NIPAL2: variants seen among roughly 807,000 people sequenced by gnomAD.
The protein encoded by NIPAL2 is NIPA-like protein 2.
A neutral mutation model predicts 48.9 loss-of-function variants in NIPAL2; 43 were observed. That is an observed-to-expected ratio of 0.88 (90% CI 0.69 to 1.13). The LOEUF (loss-of-function observed/expected upper bound fraction) is 1.13. Among genes scored for constraint, NIPAL2 ranks in the 50% most tolerant of loss-of-function variants. The pLI is 0.00. For missense variants in NIPAL2, 446 were observed against 461.4 expected, an observed-to-expected ratio of 0.97 and a Z score of 0.31; for synonymous variants, 167 against 174.6, an observed-to-expected ratio of 0.96 and a Z score of 0.34.
At position 98,191,730 on chromosome 8, in the gene NIPAL2, T is replaced by A. The variant is rs911790423; in HGVS notation, c.*1248A>T. On this transcript the variant is annotated 3_prime_UTR_variant, in exon 11 of 11. Coordinates refer to ENST00000430223, the MANE Select transcript of NIPAL2 (RefSeq NM_001321635.2). ...GCTACTTCTTTTCTTCTCCTTTAAATATTAGGTAGATCATAAATAACAGAT... is the reference window on the plus strand; with the variant it reads ...GCTACTTCTTTTCTTCTCCTTTAAAAATTAGGTAGATCATAAATAACAGAT... The A allele has an allele frequency of 3.3e-5, 5 of 152,230 alleles. No homozygotes were observed. Among genetic ancestry groups the A allele is most frequent in the Non-Finnish European group, 5.9e-5 (4 of 68,048 alleles). 9.4% of individuals were successfully genotyped at this position (152,230 alleles called of 1,614,324 possible).
Position 98,191,481 on chromosome 8 carries a change from G to T in NIPAL2, c.*1497C>A, listed in dbSNP as rs940378053. The T allele has an allele frequency of 2.0e-5, 3 of 151,902 alleles. No individual in the cohort carries two copies. Among genetic ancestry groups the T allele is most frequent in the African/African-American group, 4.8e-5 (2 of 41,334 alleles). The allele number at this position is 151,902 out of a possible 1,614,324, so 9.4% of individuals were successfully genotyped here. On this transcript the variant is annotated 3_prime_UTR_variant, in exon 11 of 11. Transcript: ENST00000430223. ...TCAATTCAAATCTCTTTCCTTTGCAGCCAGGTTTGGTCAGTCTGGCCAGGA... is the reference window on the plus strand; with the variant it reads ...TCAATTCAAATCTCTTTCCTTTGCATCCAGGTTTGGTCAGTCTGGCCAGGA...
At chr8:98,249,505 T>C (rs1163004066) in intron 3 of NIPAL2, among the ~76,000 whole-genome samples, 2 of 151,296 alleles carry the variant, frequency 1.3e-5, no homozygotes, top group East Asian at 3.9e-4. Context: ...ATACATGTCA[T>C]ATATGTCATA....
chr8:98,201,168 A>G (rs1483466442), intron 8 of NIPAL2, among the ~76,000 whole-genome samples: 1 of 152,198 alleles, frequency 6.6e-6, no homozygotes, highest in Non-Finnish European at 1.5e-5. Flanking sequence ...TAGGCAAAAT[A>G]CGGTCTCATC....
intron 1 of NIPAL2, among the ~76,000 whole-genome samples, chr8:98,266,447 A>G (rs1814748668): frequency 6.6e-6 from 1 of 151,606 alleles, no homozygotes; most frequent in South Asian, 2.1e-4. Flanking sequence ...ACTAAAATAT[A>G]AAAAATTAGC....
chr8:98,202,357 C>T (rs1349654729), intron 8 of NIPAL2, among the ~76,000 whole-genome samples: 2 of 152,162 alleles, frequency 1.3e-5, no homozygotes, highest in African/African-American at 2.4e-5. Flanking sequence ...CTTTCAGTTG[C>T]TTTGATGATC....
chr8:98,244,200 G>C (rs1328898143), intron 3 of NIPAL2, among the ~76,000 whole-genome samples: 1 of 100,258 alleles, frequency 1.0e-5, no homozygotes, highest in Non-Finnish European at 2.2e-5. Flanking sequence ...ATCCTCTGAA[G>C]ACAAAAAAAA....
intron 1 of NIPAL2, among the ~76,000 whole-genome samples, chr8:98,274,926 G>A (rs1196663257): frequency 6.6e-6 from 1 of 151,980 alleles, no homozygotes; most frequent in Non-Finnish European, 1.5e-5. Flanking sequence ...TTCTGGTTAG[G>A]AAGTTATACA....
intron 5 of NIPAL2, among the ~76,000 whole-genome samples, chr8:98,213,157 C>T (rs541891849): frequency 3.3e-5 from 5 of 152,114 alleles, no homozygotes; most frequent in East Asian, 1.9e-4. Context: ...CAGAACGTAC[C>T]GACACCTCTG....
chr8:98,272,027 G>A (rs1004033747), intron 1 of NIPAL2, among the ~76,000 whole-genome samples: 1 of 151,976 alleles, frequency 6.6e-6, no homozygotes, highest in African/African-American at 2.4e-5. Flanking sequence ...AACCAAATTT[G>A]CACCCCAGGA....
At position 98,224,387 on chromosome 8, in the gene NIPAL2, C is replaced by CT. The variant is rs962724800; in HGVS notation, c.437-1788dup. On this transcript the variant is annotated intron_variant, in intron 4 of 10. Transcript: ENST00000430223. ...ATTATATAAACTTTTTTGTATCTTG[C>CT]TTTTTTTTTCTGCTTAGAACATTTT... 1.7e-4 allele frequency among the ~76,000 whole-genome samples: 25 copies of CT among 150,756 alleles called. No individual in the cohort carries two copies. In the East Asian group the frequency reaches 2.1e-3, roughly 13 times the overall value.
intron 6 of NIPAL2, among the ~76,000 whole-genome samples, chr8:98,210,712 T>C (rs1217706778): frequency 6.6e-6 from 1 of 152,192 alleles, no homozygotes; most frequent in African/African-American, 2.4e-5. Context: ...TTTCTGTTAG[T>C]GTAGTTTTGC....
intron 4 of NIPAL2, 27 bp from the exon 5 acceptor site, chr8:98,222,627 C>G (rs2047142796): frequency 6.2e-7 from 1 of 1,609,896 alleles, no homozygotes. Flanking sequence ...AAAGAAAAAC[C>G]AAATTGAAAC....
chr8:98,193,284 T>C (rs751740393), intron 10 of NIPAL2, 194 bp from the exon 11 acceptor site: 7 of 1,325,320 alleles, frequency 5.3e-6, no homozygotes, highest in Non-Finnish European at 7.6e-6. Context: ...GATAGCGAAT[T>C]GTCTGTGTCA....
chr8:98,254,299 T>A (rs563924035), intron 1 of NIPAL2, among the ~76,000 whole-genome samples: 4 of 152,354 alleles, frequency 2.6e-5, no homozygotes, highest in Non-Finnish European at 1.5e-5. Flanking sequence ...TGGTCCTTTA[T>A]GAATTCTCTA....
At chr8:98,278,057 A>G (rs1815584424) in intron 1 of NIPAL2, among the ~76,000 whole-genome samples, 1 of 152,182 alleles carries the variant, frequency 6.6e-6, no homozygotes, top group African/African-American at 2.4e-5. Flanking sequence ...TGAGTAGAGA[A>G]GTATAGGCTG....
At chr8:98,220,796 C>T (rs1244772428) in intron 5 of NIPAL2, among the ~76,000 whole-genome samples, 1 of 152,062 alleles carries the variant, frequency 6.6e-6, no homozygotes, top group Non-Finnish European at 1.5e-5. Context: ...CTTCTTATTA[C>T]ATACCCTTCC....
At chr8:98,227,272 G>T (rs1251576240) in intron 4 of NIPAL2, among the ~76,000 whole-genome samples, 1 of 152,100 alleles carries the variant, frequency 6.6e-6, no homozygotes, top group African/African-American at 2.4e-5. Context: ...TACCTAAGCT[G>T]CAAGACAAAA....
intron 3 of NIPAL2, among the ~76,000 whole-genome samples, chr8:98,244,779 GTTA>G (rs1813220390): frequency 6.6e-6 from 1 of 152,102 alleles, no homozygotes; most frequent in East Asian, 1.9e-4. Flanking sequence ...TTGTGTGTGT[GTTA>G]TTGTCCAATT....
At chr8:98,286,904 T>A (rs1816209559) in intron 1 of NIPAL2, among the ~76,000 whole-genome samples, 1 of 150,360 alleles carries the variant, frequency 6.7e-6, no homozygotes, top group African/African-American at 2.5e-5. Context: ...AAATGTGTAG[T>A]GTGTACATCC....
Sources: allele counts gnomAD v4.1 joint callset (sites outside exome capture counted in the v4.1 genomes callset), GRCh38; gene constraint gnomAD v4.1.1; transcripts MANE v1.5; gene names NCBI Gene and HGNC (gene_info 2026-07-23, HGNC 2026-07-21).